PPME1: variants seen among roughly 807,000 people sequenced by gnomAD.
PPME1 encodes the protein protein phosphatase methylesterase 1, also known as testicular secretory protein Li 39.
Under a neutral mutation model 56.9 loss-of-function variants are expected in PPME1, and 17 were observed. The observed-to-expected ratio is 0.30, with a 90% CI of 0.20 to 0.45. The LOEUF (loss-of-function observed/expected upper bound fraction) is 0.45, where lower values mean the gene tolerates loss of function less well. PPME1 is among the 20% of genes least tolerant of loss of function. PPME1 has a pLI of 1.00. For missense variants in PPME1, 357 were observed against 483.2 expected (o/e 0.74, Z 2.45); for synonymous variants, 122 against 156.2 (o/e 0.78, Z 1.63).
intron 1 of PPME1, 69 bp downstream of exon 1, chr11:74,171,591 T>G: frequency 6.7e-7 from 1 of 1,500,874 alleles, no homozygotes. Flanking sequence ...TCTCTGGGCG[T>G]TCATAGAGGC....
Position 74,214,592 on chromosome 11 carries a change from T to C in PPME1, c.289-7720T>C, listed in dbSNP as rs531510918. Among the ~76,000 whole-genome samples the C allele has an allele frequency of 6.5e-4, 98 of 151,168 alleles. 1 individual carries two copies. Among genetic ancestry groups the C allele is most frequent in the Middle Eastern group, 3.4e-3 (1 of 294 alleles). On this transcript the variant is annotated intron_variant, in intron 3 of 13. Transcript: ENST00000328257. ...GCAGAAAGAGAAAAGAAACAAATAATATACAATGGAACTCCAGTACATCTG... is the reference window on the plus strand; with the variant it reads ...GCAGAAAGAGAAAAGAAACAAATAACATACAATGGAACTCCAGTACATCTG...
At chr11:74,208,786 T>TAAGAG (rs1858396007) in intron 3 of PPME1, among the ~76,000 whole-genome samples, 1 of 152,176 alleles carries the variant, frequency 6.6e-6, no homozygotes, top group Non-Finnish European at 1.5e-5. Flanking sequence ...GAAAGTTTCA[T>TAAGAG]AAGAGAGGAC....
At chr11:74,223,198 T>A (rs1858845900) in intron 4 of PPME1, among the ~76,000 whole-genome samples, 1 of 151,374 alleles carries the variant, frequency 6.6e-6, no homozygotes, top group Admixed American at 6.6e-5. Flanking sequence ...CGGTGTTTGG[T>A]TTTTTGTGCT....
At chr11:74,220,471 C>G (rs1858769888) in intron 3 of PPME1, among the ~76,000 whole-genome samples, 1 of 152,150 alleles carries the variant, frequency 6.6e-6, no homozygotes, top group African/African-American at 2.4e-5. Context: ...GTGATTGATT[C>G]TGTTATGTAG....
intron 13 of PPME1, chr11:74,251,960 C>G: frequency 1.4e-6 from 1 of 698,150 alleles, no homozygotes; most frequent in East Asian, 2.8e-5. Context: ...GTCTCACTCC[C>G]CACTGTGATG....
Position 74,246,153 on chromosome 11 carries a change from C to G in PPME1, c.912C>G (p.Gly304=), listed in dbSNP as rs370247088. The G allele has an allele frequency of 1.9e-6, 3 of 1,553,498 alleles. No individual in the cohort carries two copies. The highest frequency in any genetic ancestry group is 1.4e-5 in the African/African-American group (1 of 73,136). ...AATACTGGGACGGCTGGTTCCGAGG[C>G]TTATCCAATCTCTTTCTTAGTTGTC... ...TEKYWDGWFR[G]LSNLFLSCPI... The change falls in exon 10 of 14, where the codon GGC becomes GGG. Residue 304 remains glycine, a synonymous_variant. Transcript: ENST00000328257.
intron 10 of PPME1, among the ~76,000 whole-genome samples, chr11:74,246,525 C>G (rs930108847): frequency 6.6e-6 from 1 of 152,152 alleles, no homozygotes; most frequent in African/African-American, 2.4e-5. Context: ...GGCCCTAGTT[C>G]CAAATACAGT....
rs1859787614 is a variant in PPME1, at chr11:74,254,629, C to T, written c.*1119C>T. The T allele has an allele frequency of 1.3e-5, 2 of 153,040 alleles. No homozygotes were observed. The highest frequency in any genetic ancestry group is 4.8e-5 in the African/African-American group (2 of 41,454). The allele number at this position is 153,040 out of a possible 1,614,324, so 9.5% of individuals were successfully genotyped here. ...TCCCACCCCTGTCCTGCTGCATGGT[C>T]CGGAGTCTGGGACCTACTTTGTTTT... On this transcript the variant is annotated 3_prime_UTR_variant, in exon 14 of 14. Coordinates refer to ENST00000328257, the MANE Select transcript of PPME1 (RefSeq NM_016147.3).
intron 1 of PPME1, among the ~76,000 whole-genome samples, 169 bp downstream of exon 1, chr11:74,171,691 C>T (rs551936884): frequency 6.6e-6 from 1 of 151,992 alleles, no homozygotes; most frequent in South Asian, 2.1e-4. Context: ...CTAGGGGAGG[C>T]GCCAAGTCAA....
chr11:74,253,474 C>T lies in PPME1; in HGVS notation c.1143-18C>T, dbSNP rs746469310. 139 of 1,602,772 alleles carry T rather than the reference C, an allele frequency of 8.7e-5. No homozygotes were observed. The highest frequency in any genetic ancestry group is 1.2e-4 in the Non-Finnish European group (138 of 1,169,826). The stretch of plus-strand genomic sequence containing the variant: ...GATAGTTACATTTGTTTTTCCTTCT[C>T]TTTCTGTTCTTCCACAGTGTGTTTC... On this transcript the variant is annotated intron_variant, in intron 13 of 13. Transcript: ENST00000328257.
chr11:74,205,917 A>G (rs2135626829), intron 3 of PPME1: 1 of 152,322 alleles, frequency 6.6e-6, no homozygotes, highest in South Asian at 2.1e-4. Context: ...AAGAAACAAT[A>G]AATTAATTTT....
At chr11:74,207,251 G>A (rs1858351825) in intron 3 of PPME1, among the ~76,000 whole-genome samples, 1 of 152,202 alleles carries the variant, frequency 6.6e-6, no homozygotes, top group South Asian at 2.1e-4. Context: ...ATTCTTCCAA[G>A]TTCCTTCTTG....
intron 1 of PPME1, among the ~76,000 whole-genome samples, chr11:74,178,477 A>G (rs1290150418): frequency 6.6e-6 from 1 of 152,210 alleles, no homozygotes; most frequent in Admixed American, 6.5e-5. Context: ...GCTCAAACAA[A>G]AGTATTACAA....
intron 3 of PPME1, among the ~76,000 whole-genome samples, chr11:74,220,132 A>G (rs575720519): frequency 6.6e-6 from 1 of 152,180 alleles, no homozygotes; most frequent in Non-Finnish European, 1.5e-5. Context: ...ATTTGTGGGG[A>G]TACCTATTTC....
intron 8 of PPME1, among the ~76,000 whole-genome samples, chr11:74,236,952 T>C (rs941608982): frequency 1.3e-5 from 2 of 152,208 alleles, no homozygotes; most frequent in African/African-American, 2.4e-5. Context: ...ACAATTAAAG[T>C]CAAAATCAAA....
chr11:74,245,888 G>A (rs925523564), intron 9 of PPME1, 188 bp from the exon 10 acceptor site: 30 of 470,062 alleles, frequency 6.4e-5, no homozygotes, highest in African/African-American at 3.6e-4. Context: ...ATCTTAAAAT[G>A]AATATTAACA....
At chr11:74,222,450 A>T in intron 4 of PPME1, 81 bp downstream of exon 4, 6 of 1,238,740 alleles carry the variant, frequency 4.8e-6, no homozygotes, top group Non-Finnish European at 7.1e-6. Context: ...TAGAAATTTC[A>T]ACGTGGCCAT....
intron 1 of PPME1, among the ~76,000 whole-genome samples, chr11:74,185,436 G>A (rs1857653935): frequency 6.6e-6 from 1 of 152,130 alleles, no homozygotes; most frequent in African/African-American, 2.4e-5. Context: ...AAACCTGCTT[G>A]TTTTCTTGCT....
chr11:74,253,535 A>G lies in PPME1; in HGVS notation c.*25A>G. The stretch of plus-strand genomic sequence containing the variant: ...GTGACCTGCTGTCCACCCCTCCTCA[A>G]CATCGAGCTCTGTTGTAAATACGTC... On this transcript the variant is annotated 3_prime_UTR_variant, in exon 14 of 14. Coordinates refer to ENST00000328257, the MANE Select transcript of PPME1 (RefSeq NM_016147.3). The G allele has an allele frequency of 1.3e-6, 2 of 1,595,378 alleles. No individual in the cohort carries two copies. Among genetic ancestry groups the G allele is most frequent in the African/African-American group, 2.7e-5 (2 of 74,518 alleles).
Sources: gnomAD v4.1 joint callset for allele counts (sites outside exome capture counted in the v4.1 genomes callset) on GRCh38, gnomAD v4.1.1 for gene constraint, MANE v1.5 for transcripts, NCBI Gene and HGNC (gene_info 2026-07-23, HGNC 2026-07-21) for gene names.